The following NR3C2 variants were observed in gnomAD, a reference collection of about 807,000 sequenced individuals.
NR3C2 encodes the protein mineralocorticoid receptor.
A neutral mutation model predicts 86.4 loss-of-function variants in NR3C2; 15 were observed. The observed-to-expected ratio is 0.17, with a 90% CI of 0.12 to 0.27. The LOEUF is 0.27. Ranked by LOEUF, NR3C2 falls within the 10% of genes least tolerant of loss-of-function variation. The pLI is 1.00. For synonymous variants in NR3C2, 458 were observed against 450.5 expected, an observed-to-expected ratio of 1.02 and a Z score of -0.21; for missense variants, 960 against 1,195.6, an observed-to-expected ratio of 0.80 and a Z score of 2.91.
At chr4:148,417,323 T>C (rs140223436) in intron 2 of NR3C2, among the ~76,000 whole-genome samples, 1 of 152,336 alleles carries the variant, frequency 6.6e-6, no homozygotes, top group East Asian at 1.9e-4. Flanking sequence ...ACGTACTTCC[T>C]TCTACCGCTC....
intron 3 of NR3C2, among the ~76,000 whole-genome samples, chr4:148,256,057 A>T (rs1739815924): frequency 6.6e-6 from 1 of 152,220 alleles, no homozygotes; most frequent in South Asian, 2.1e-4. Flanking sequence ...AGAAGAGGCA[A>T]AGCCTGGTTG....
At chr4:148,104,342 G>GGTTTGTT (rs1731686588) in intron 8 of NR3C2, among the ~76,000 whole-genome samples, 23 of 63,800 alleles carry the variant, frequency 3.6e-4, no homozygotes, top group Non-Finnish European at 4.2e-4. Context: ...TTTTGGTTTG[G>GGTTTGTT]TTTTTTTTTT....
Position 148,081,306 on chromosome 4 carries a change from G to A in NR3C2, c.*38C>T, listed in dbSNP as rs777225712. On this transcript the variant is annotated 3_prime_UTR_variant, in exon 9 of 9. Coordinates refer to ENST00000358102, the MANE Select transcript of NR3C2 (RefSeq NM_000901.5). ...GTCCTTCTGGGTGTGGAACAACACA[G>A]GGAAACTTAAGGCAAAGTTCTTCTG... is the stretch of plus-strand genomic sequence containing the variant. The A allele has an allele frequency of 1.9e-6, 3 of 1,614,056 alleles. No individual in the cohort carries two copies. Among genetic ancestry groups the A allele is most frequent in the Non-Finnish European group, 2.5e-6 (3 of 1,179,928 alleles).
intron 2 of NR3C2, among the ~76,000 whole-genome samples, chr4:148,378,169 C>T (rs1238235783): frequency 1.3e-5 from 2 of 151,870 alleles, no homozygotes; most frequent in Admixed American, 6.6e-5. Flanking sequence ...TGGGGGCTGG[C>T]GGGGGATCTT....
At position 148,427,017 on chromosome 4, in the gene NR3C2, C is replaced by T. The variant is rs74514713; in HGVS notation, c.1757+8087G>A. On this transcript the variant is annotated intron_variant, in intron 2 of 8. Transcript: ENST00000358102. ...GTCACCCAGGCTGAAGTGTAGTACA[C>T]GGTCTCGGTTCACTGCAACGTCCAC... Among the ~76,000 whole-genome samples the T allele has an allele frequency of 5.6e-3, 851 of 151,702 alleles. 9 individuals are homozygous for T. Among genetic ancestry groups the T allele is most frequent in the African/African-American group, 0.019 (804 of 41,350 alleles).
At chr4:148,409,103 T>G (rs1297611919) in intron 2 of NR3C2, among the ~76,000 whole-genome samples, 1 of 152,158 alleles carries the variant, frequency 6.6e-6, no homozygotes, top group East Asian at 1.9e-4. Context: ...GTGGAGATAT[T>G]GGGTCAAAAG....
chr4:148,328,620 C>G (rs1744077757), intron 2 of NR3C2, among the ~76,000 whole-genome samples: 1 of 152,192 alleles, frequency 6.6e-6, no homozygotes, highest in Non-Finnish European at 1.5e-5. Flanking sequence ...CCTCTGTATT[C>G]AGGAGTTATC....
chr4:148,087,328 A>C (rs1730860053), intron 8 of NR3C2, among the ~76,000 whole-genome samples: 1 of 152,232 alleles, frequency 6.6e-6, no homozygotes, highest in African/African-American at 2.4e-5. Context: ...TGCCCAAAGT[A>C]ATTTATAGAT....
At chr4:148,266,323 G>T (rs775494967) in intron 2 of NR3C2, among the ~76,000 whole-genome samples, 2 of 152,010 alleles carry the variant, frequency 1.3e-5, no homozygotes, top group Admixed American at 1.3e-4. Flanking sequence ...TGCCCGCCTC[G>T]GCCTCCCAAC....
intron 2 of NR3C2, among the ~76,000 whole-genome samples, chr4:148,376,144 G>GAAAAAAAAAAAA (rs1746665899): frequency 1.4e-5 from 1 of 71,700 alleles, no homozygotes; most frequent in Non-Finnish European, 2.9e-5. Context: ...CAGGAGTAAG[G>GAAAAAAAAAAAA]CAAAAAAAAA....
chr4:148,145,235 T>C (rs1320374182), intron 6 of NR3C2, among the ~76,000 whole-genome samples: 1 of 152,102 alleles, frequency 6.6e-6, no homozygotes, highest in African/African-American at 2.4e-5. Flanking sequence ...ACTGGACTGG[T>C]AAGGGAGGAA....
chr4:148,144,967 A>T (rs1313310086), intron 6 of NR3C2, among the ~76,000 whole-genome samples: 1 of 152,218 alleles, frequency 6.6e-6, no homozygotes, highest in Non-Finnish European at 1.5e-5. Context: ...GGCAGACATG[A>T]TCAGGGCAGG....
At position 148,233,433 on chromosome 4, in the gene NR3C2, C is replaced by T. The variant is rs554637691; in HGVS notation, c.1897+26545G>A. Among the ~76,000 whole-genome samples, 47 of 150,552 alleles carry T rather than the reference C, an allele frequency of 3.1e-4. No homozygotes were observed. In the South Asian group the frequency reaches 3.6e-3, roughly 11 times the overall value. ...GGAGTGCAGTGACACAACCACAGTT[C>T]ACTGCAGCCTCAACTTCCCTTGGTT... On this transcript the variant is annotated intron_variant, in intron 3 of 8. Transcript: ENST00000358102.
intron 1 of NR3C2, among the ~76,000 whole-genome samples, chr4:148,437,633 T>G (rs6848862): frequency 0.016 from 2,470 of 152,302 alleles, 57 homozygotes; most frequent in African/African-American, 0.057. Flanking sequence ...CACCCTGACC[T>G]GTGCATGGTA....
chr4:148,170,998 G>A (rs1395887835), intron 4 of NR3C2, among the ~76,000 whole-genome samples: 4 of 152,148 alleles, frequency 2.6e-5, no homozygotes, highest in Non-Finnish European at 5.9e-5. Context: ...AATGAGTAAT[G>A]ACTGGTTGAT....
At chr4:148,380,855 T>C (rs940057427) in intron 2 of NR3C2, among the ~76,000 whole-genome samples, 7 of 152,214 alleles carry the variant, frequency 4.6e-5, no homozygotes, top group Non-Finnish European at 2.9e-5. Context: ...AGTTAATCAG[T>C]ATTTTGTGAC....
At chr4:148,348,197 T>C (rs368377273) in intron 2 of NR3C2, among the ~76,000 whole-genome samples, 83 of 152,232 alleles carry the variant, frequency 5.5e-4, no homozygotes, top group African/African-American at 1.9e-3. Context: ...ACACTCTGTT[T>C]TGGTAAGTCT....
intron 2 of NR3C2, among the ~76,000 whole-genome samples, chr4:148,419,503 A>G (rs2126600131): frequency 6.6e-6 from 1 of 152,338 alleles, no homozygotes; most frequent in South Asian, 2.1e-4. Context: ...AGGCCAAAGA[A>G]GACATGATAT....
intron 4 of NR3C2, among the ~76,000 whole-genome samples, chr4:148,170,625 G>A (rs369413461): frequency 4.6e-5 from 7 of 152,164 alleles, no homozygotes; most frequent in Non-Finnish European, 1.0e-4. Context: ...ACTCCCCTTC[G>A]ATGGAGCATT....
Sources: allele counts gnomAD v4.1 joint callset (sites outside exome capture counted in the v4.1 genomes callset), GRCh38; gene constraint gnomAD v4.1.1; transcripts MANE v1.5; gene names NCBI Gene and HGNC (gene_info 2026-07-23, HGNC 2026-07-21).